PLPP1: variants seen among roughly 807,000 people sequenced by gnomAD.
PLPP1 encodes phospholipid phosphatase 1.
PLPP1 carries 24 observed loss-of-function variants against 31.2 expected under a neutral mutation model. The ratio of observed to expected loss-of-function variants is 0.77; its 90% CI spans 0.56 to 1.08. The LOEUF is 1.08. Ranked by LOEUF, PLPP1 falls within the 50% of genes least tolerant of loss-of-function variation. The pLI is 0.00. For synonymous variants in PLPP1, 146 were observed against 126.3 expected, an observed-to-expected ratio of 1.16 and a Z score of -1.05; for missense variants, 319 against 342.7, an observed-to-expected ratio of 0.93 and a Z score of 0.55.
At chr5:55,512,517 AAAGAAAGAAAGAAAG>A (rs1403672692) in intron 1 of PLPP1, among the ~76,000 whole-genome samples, 76 of 5,268 alleles carry the variant, frequency 0.014, 4 homozygotes, top group African/African-American at 0.033. Flanking sequence ...AAAAGAAAAG[AAAGAAAGAAAGAAAG>A]AAAGAAAGAA....
chr5:55,432,935 A>T (rs1385448788), intron 4 of PLPP1, among the ~76,000 whole-genome samples: 1 of 152,120 alleles, frequency 6.6e-6, no homozygotes, highest in African/African-American at 2.4e-5. Context: ...TAAGAACTGG[A>T]ATAAGACAAG....
rs368783493 is a variant in PLPP1 at position 55,500,367 on chromosome 5, C to G, written c.59-24917G>C. Among the ~76,000 whole-genome samples, 195 of 152,228 alleles carry G rather than the reference C, an allele frequency of 1.3e-3. 2 individuals carry two copies. The Middle Eastern group carries it at 0.024, about 19-fold the overall frequency. On this transcript the variant is annotated intron_variant, in intron 1 of 5. Transcript: ENST00000307259. ...GTCTTGGGATTACAGGCGTGAGCCA[C>G]CACGCCTGGCCTAAAATTATTTATG... is the stretch of plus-strand genomic sequence containing the variant.
intron 1 of PLPP1, among the ~76,000 whole-genome samples, chr5:55,500,162 C>A (rs1004687467): frequency 6.6e-6 from 1 of 150,430 alleles, no homozygotes; most frequent in Non-Finnish European, 1.5e-5. Flanking sequence ...TCACTACAAG[C>A]TCCACTTCCC....
chr5:55,487,304 T>C (rs1387936073), intron 1 of PLPP1, among the ~76,000 whole-genome samples: 1 of 151,812 alleles, frequency 6.6e-6, no homozygotes, highest in Non-Finnish European at 1.5e-5. Flanking sequence ...TGCCTTTTTC[T>C]AGAAATATAA....
intron 3 of PLPP1, among the ~76,000 whole-genome samples, chr5:55,442,508 C>T (rs1264336628): frequency 1.3e-5 from 2 of 151,918 alleles, no homozygotes; most frequent in Admixed American, 6.6e-5. Context: ...AAAAATTAGC[C>T]GGGCGTGGTG....
intron 1 of PLPP1, among the ~76,000 whole-genome samples, chr5:55,480,906 C>T (rs745891542): frequency 3.7e-4 from 56 of 152,156 alleles, no homozygotes; most frequent in Non-Finnish European, 6.0e-4. Context: ...TCCCACATTC[C>T]GCTTTTTGAT....
intron 4 of PLPP1, among the ~76,000 whole-genome samples, chr5:55,432,677 G>A (rs927504662): frequency 3.4e-5 from 5 of 145,590 alleles, no homozygotes; most frequent in South Asian, 2.2e-4. Context: ...GATATGCCAC[G>A]ATCAAGTGTG....
At position 55,491,075 on chromosome 5, in the gene PLPP1, T is replaced by C. The variant is rs1244256946; in HGVS notation, c.59-15625A>G. On this transcript the variant is annotated intron_variant, in intron 1 of 5. Coordinates refer to ENST00000307259, the MANE Select transcript of PLPP1 (RefSeq NM_003711.4). ...ACAGAAAAAGCCTCTCTGAAATGGA[T>C]ATATTTGGCCCAATTTTAGAACAGC... The C allele has an allele frequency of 1.9e-6, 3 of 1,613,824 alleles. No individual in the cohort carries two copies. In the African/African-American group the frequency reaches 4.0e-5, roughly 22 times the overall value.
chr5:55,426,304 G>A (rs570931334), intron 4 of PLPP1, among the ~76,000 whole-genome samples: 27 of 152,252 alleles, frequency 1.8e-4, no homozygotes, highest in African/African-American at 6.3e-4. Flanking sequence ...GTGTTTCCTT[G>A]TTTATGGCTT....
At position 55,424,887 on chromosome 5, in the gene PLPP1, A is replaced by G; in HGVS notation, c.*319T>C. 1.4e-6 allele frequency: 1 copy of G among 714,318 alleles called. No individual in the cohort carries two copies. The highest frequency in any genetic ancestry group is 2.4e-6 in the Non-Finnish European group (1 of 421,940). The allele number at this position is 714,318 out of a possible 1,614,324, so 44.2% of individuals were successfully genotyped here. A position where few individuals can be genotyped will look rare whatever the true frequency, so the allele number is the denominator to read the frequency against. ...TCCCATACATTTTAATATGTATTAT[A>G]TTTAAATCAAACATCATTCATAGAA... On this transcript the variant is annotated 3_prime_UTR_variant, in exon 6 of 6. Coordinates refer to ENST00000307259, the MANE Select transcript of PLPP1 (RefSeq NM_003711.4).
chr5:55,494,562 A>T (rs972708679), intron 1 of PLPP1, among the ~76,000 whole-genome samples: 1 of 152,100 alleles, frequency 6.6e-6, no homozygotes, highest in Non-Finnish European at 1.5e-5. Flanking sequence ...ATCACACTGA[A>T]CCACTTGCTG....
At chr5:55,523,711 T>C (rs776148375) in intron 1 of PLPP1, among the ~76,000 whole-genome samples, 4 of 152,258 alleles carry the variant, frequency 2.6e-5, no homozygotes, top group Non-Finnish European at 5.9e-5. Context: ...CCAGCCACAC[T>C]GGCCTCTTTT....
At chr5:55,476,775 C>T (rs1456424066) in intron 1 of PLPP1, among the ~76,000 whole-genome samples, 1 of 152,172 alleles carries the variant, frequency 6.6e-6, no homozygotes, top group Non-Finnish European at 1.5e-5. Flanking sequence ...ACAACCAAGC[C>T]TCTGTCACTC....
Position 55,425,962 on chromosome 5 carries a change from TA to T in PLPP1, c.626del (p.Val209AspfsTer21). Reference sequence around the variant, plus strand: ...CTCGAGAAAGGCCCACATAAATGGATACGGCAACAAGACCAAATTGCAGTGT... The same window carrying T: ...CTCGAGAAAGGCCCACATAAATGGATCGGCAACAAGACCAAATTGCAGTGT... ...RPTLQFGLVAVSIYVGLSRVS... is the reference protein window; with the variant it reads ...RPTLQFGLVAXSIYVGLSRVS... On this transcript the variant is annotated frameshift_variant, in exon 5 of 6. Transcript: ENST00000307259. LOFTEE classifies it high-confidence loss of function. 6.2e-7 allele frequency: 1 copy of T among 1,614,026 alleles called. No homozygotes were observed. Among genetic ancestry groups the T allele is most frequent in the Non-Finnish European group, 8.5e-7 (1 of 1,179,940 alleles).
intron 1 of PLPP1, among the ~76,000 whole-genome samples, chr5:55,521,964 T>A (rs1405709415): frequency 6.6e-6 from 1 of 152,246 alleles, no homozygotes; most frequent in Non-Finnish European, 1.5e-5. Context: ...CTACTACTGA[T>A]GCAAATGAAC....
intron 1 of PLPP1, among the ~76,000 whole-genome samples, chr5:55,512,278 C>A (rs919663583): frequency 6.6e-6 from 1 of 150,628 alleles, no homozygotes; most frequent in African/African-American, 2.4e-5. Flanking sequence ...CAAGACCAGC[C>A]TGACCAACAT....
intron 4 of PLPP1, among the ~76,000 whole-genome samples, chr5:55,434,987 G>T (rs1269763056): frequency 2.6e-5 from 4 of 152,150 alleles, no homozygotes; most frequent in Non-Finnish European, 5.9e-5. Flanking sequence ...GAAAATATTT[G>T]CCAAGTATTT....
intron 1 of PLPP1, among the ~76,000 whole-genome samples, chr5:55,483,273 TAATC>T (rs768383012): frequency 7.2e-5 from 11 of 152,210 alleles, no homozygotes; most frequent in Non-Finnish European, 1.3e-4. Context: ...AAAATCTGAT[TAATC>T]AATGCCAGAA....
chr5:55,494,486 CT>C (rs1752963592), intron 1 of PLPP1, among the ~76,000 whole-genome samples: 1 of 152,162 alleles, frequency 6.6e-6, no homozygotes, highest in African/African-American at 2.4e-5. Context: ...AGAACACTGC[CT>C]TTGGGGCAAT....
Sources: allele counts gnomAD v4.1 joint callset (sites outside exome capture counted in the v4.1 genomes callset), GRCh38; gene constraint gnomAD v4.1.1; transcripts MANE v1.5; gene names NCBI Gene and HGNC (gene_info 2026-07-23, HGNC 2026-07-21).